NUFIP2: variants seen among roughly 807,000 people sequenced by gnomAD.
NUFIP2 encodes the protein nuclear FMR1 interacting protein 2.
A neutral mutation model predicts 56.9 loss-of-function variants in NUFIP2; 6 were observed. The observed-to-expected ratio is 0.11, with a 90% CI of 0.06 to 0.21. The LOEUF is 0.21. Ranked by LOEUF, NUFIP2 falls within the 10% of genes least tolerant of loss-of-function variation. The pLI, the probability that NUFIP2 is intolerant of heterozygous loss-of-function variation, is 1.00. For synonymous variants in NUFIP2, 321 were observed against 298.2 expected, an observed-to-expected ratio of 1.08 and a Z score of -0.79; for missense variants, 828 against 826.8, an observed-to-expected ratio of 1.00 and a Z score of -0.02.
Position 29,287,562 on chromosome 17 carries a change from A to G in NUFIP2, c.432T>C (p.Phe144=), listed in dbSNP as rs1325155186. ...TCTTGGTTTTAATTCCTGCTTTCCC[A>G]AAGGTGTTGGCCTTTACAGTCTGCT... is the stretch of plus-strand genomic sequence containing the variant. ...SLKQTVKANT[F]GKAGIKTKNF... Residue 144 remains phenylalanine (F), a synonymous_variant, in exon 2 of 4, where the codon TTT becomes TTC. Coordinates refer to ENST00000225388, the MANE Select transcript of NUFIP2 (RefSeq NM_020772.3). 1 of 1,613,880 alleles carries G rather than the reference A, an allele frequency of 6.2e-7. No homozygotes were observed. Among genetic ancestry groups the G allele is most frequent in the Admixed American group, 1.7e-5 (1 of 59,972 alleles).
At position 29,260,857 on chromosome 17, in the gene NUFIP2, ACT is replaced by A. The variant is rs2068998310; in HGVS notation, c.*3680_*3681del. 2 of 152,076 alleles carry A rather than the reference ACT, an allele frequency of 1.3e-5. No individual in the cohort carries two copies. Among genetic ancestry groups the A allele is most frequent in the Non-Finnish European group, 2.9e-5 (2 of 67,930 alleles). 9.4% of individuals were successfully genotyped at this position (152,076 alleles called of 1,614,324 possible). A position where few individuals can be genotyped will look rare whatever the true frequency, so the allele number is the denominator to read the frequency against. ...GACAACAAAATTCTAAAATGGAGAA[ACT>A]CTGGCCATTTATTTCAAAGAAAAAA... is the stretch of plus-strand genomic sequence containing the variant. On this transcript the variant is annotated 3_prime_UTR_variant, in exon 4 of 4. Coordinates refer to ENST00000225388, the MANE Select transcript of NUFIP2 (RefSeq NM_020772.3).
intron 1 of NUFIP2, among the ~76,000 whole-genome samples, chr17:29,292,411 T>C (rs1237236326): frequency 6.6e-6 from 1 of 151,588 alleles, no homozygotes; most frequent in Non-Finnish European, 1.5e-5. Context: ...TTTTGGATTT[T>C]TTTTTTTTTT....
At chr17:29,292,854 ACCGGGTTACACAACCCCGG>A (rs1452132903) in intron 1 of NUFIP2, among the ~76,000 whole-genome samples, 1 of 127,104 alleles carries the variant, frequency 7.9e-6, no homozygotes, top group Non-Finnish European at 1.7e-5. Flanking sequence ...GCGCGCCGCC[ACCGGGTTACACAACCCCGG>A]CCGGCGACGG....
At chr17:29,276,461 T>C (rs916043067) in intron 2 of NUFIP2, among the ~76,000 whole-genome samples, 26 of 152,180 alleles carry the variant, frequency 1.7e-4, no homozygotes, top group Admixed American at 1.5e-3. Flanking sequence ...GTCTCCTGAG[T>C]AGCTGGGACT....
chr17:29,290,416 G>A (rs1169256162), intron 1 of NUFIP2, among the ~76,000 whole-genome samples: 3 of 151,578 alleles, frequency 2.0e-5, no homozygotes, highest in African/African-American at 4.9e-5. Context: ...AGCACTTTAG[G>A]ATCCCAGGCA....
chr17:29,262,796 A>G lies in NUFIP2; in HGVS notation c.*1743T>C, dbSNP rs2069011414. Reference sequence around the variant, plus strand: ...TTACATCAAGTGGAATTGGCAATCCATGCTTATACTTTTAAAATCTAAGCA... The same window carrying G: ...TTACATCAAGTGGAATTGGCAATCCGTGCTTATACTTTTAAAATCTAAGCA... On this transcript the variant is annotated 3_prime_UTR_variant, in exon 4 of 4. Coordinates refer to ENST00000225388, the MANE Select transcript of NUFIP2 (RefSeq NM_020772.3). The G allele has an allele frequency of 6.6e-6, 1 of 151,638 alleles. No individual in the cohort carries two copies. The highest frequency in any genetic ancestry group is 1.5e-5 in the Non-Finnish European group (1 of 67,906). The allele number at this position is 151,638 out of a possible 1,614,324, so 9.4% of individuals were successfully genotyped here.
rs1319926072 is a variant in NUFIP2, at chr17:29,263,912, C to T, written c.*627G>A. The T allele has an allele frequency of 1.3e-5, 2 of 152,630 alleles. No homozygotes were observed. Among genetic ancestry groups the T allele is most frequent in the Non-Finnish European group, 2.9e-5 (2 of 68,028 alleles). 9.5% of individuals were successfully genotyped at this position (152,630 alleles called of 1,614,324 possible). A position where few individuals can be genotyped will look rare whatever the true frequency, so the allele number is the denominator to read the frequency against. ...AAATGGAAAGAAATAAAGTATTTCC[C>T]CAACACCCCAGAGGCCGCTTAACTC... On this transcript the variant is annotated 3_prime_UTR_variant, in exon 4 of 4. Coordinates refer to ENST00000225388, the MANE Select transcript of NUFIP2 (RefSeq NM_020772.3).
intron 2 of NUFIP2, among the ~76,000 whole-genome samples, chr17:29,282,299 G>A (rs35286338): frequency 0.097 from 14,657 of 151,250 alleles, 887 homozygotes; most frequent in South Asian, 0.18. Context: ...GCTCACACCC[G>A]TAATCCCAGC....
chr17:29,266,369 AC>A (rs2069036708), intron 3 of NUFIP2, among the ~76,000 whole-genome samples: 2 of 152,056 alleles, frequency 1.3e-5, no homozygotes, highest in African/African-American at 4.8e-5. Context: ...AGGGGAAGCT[AC>A]ATTCTAGTCC....
rs71135888 is a variant in NUFIP2 at position 29,276,029 on chromosome 17, A to AATATATATATATATATATATATAT, written c.2003-8500_2003-8499insATATATATATATATATATATATAT. Among the ~76,000 whole-genome samples, 280 of 138,078 alleles carry AATATATATATATATATATATATAT rather than the reference A, an allele frequency of 2.0e-3. 1 individual carries two copies. Among genetic ancestry groups the AATATATATATATATATATATATAT allele is most frequent in the South Asian group, 0.011 (44 of 3,934 alleles). The allele number at this position is 138,078 out of a possible 152,430, so 90.6% of individuals were successfully genotyped here. On this transcript the variant is annotated intron_variant, in intron 2 of 3. Transcript: ENST00000225388. ...GGTGACAGAGTAAGACTCCGTCTCA[A>AATATATATATATATATATATATAT]ATATATATATATATATATATCTGAA...
chr17:29,264,126 A>G lies in NUFIP2; in HGVS notation c.*413T>C, dbSNP rs1204097368. 6.6e-6 allele frequency: 1 copy of G among 152,650 alleles called. No individual in the cohort carries two copies. Among genetic ancestry groups the G allele is most frequent in the African/African-American group, 2.4e-5 (1 of 41,438 alleles). The allele number at this position is 152,650 out of a possible 1,614,324, so 9.5% of individuals were successfully genotyped here. On this transcript the variant is annotated 3_prime_UTR_variant, in exon 4 of 4. Transcript: ENST00000225388. Reference sequence around the variant, plus strand: ...TCACTTCAGTCACAGAACAAGATACAGAGATCTTTTAAGTGGATTTGCCTT... The same window carrying G: ...TCACTTCAGTCACAGAACAAGATACGGAGATCTTTTAAGTGGATTTGCCTT...
chr17:29,287,323 C>A lies in NUFIP2; in HGVS notation c.671G>T (p.Arg224Met). 6.2e-7 allele frequency: 1 copy of A among 1,614,056 alleles called. No homozygotes were observed. The change falls in exon 2 of 4, where the codon AGG becomes ATG. Residue 224 changes from arginine (R) to methionine (M), a missense_variant. Physicochemically the swap from Arg to Met is moderately conservative, Grantham distance 91. Transcript: ENST00000225388. ...SESGYTTPKK[R>M]KARRNSAKGC... is the part of the protein sequence containing the mutation. ...CTTGGCACTATTGCGCCTAGCTTTCCTTTTTTTAGGAGTTGTATATCCGCT... is the reference window on the plus strand; with the variant it reads ...CTTGGCACTATTGCGCCTAGCTTTCATTTTTTTAGGAGTTGTATATCCGCT...
rs2153010485 is a variant in NUFIP2, at chr17:29,263,031, T to C, written c.*1508A>G. The C allele has an allele frequency of 6.5e-6, 1 of 152,748 alleles. No individual in the cohort carries two copies. The highest frequency in any genetic ancestry group is 2.1e-4 in the South Asian group (1 of 4,832). 9.5% of individuals were successfully genotyped at this position (152,748 alleles called of 1,614,324 possible). A position where few individuals can be genotyped will look rare whatever the true frequency, so the allele number is the denominator to read the frequency against. On this transcript the variant is annotated 3_prime_UTR_variant, in exon 4 of 4. Transcript: ENST00000225388. ...TACCCCAGGGGATCCAGTCTACTTT[T>C]ATCAGAAGACTACAACTCTTTATAT...
Position 29,293,892 on chromosome 17 carries a change from T to C in NUFIP2, c.168A>G (p.Gln56=), listed in dbSNP as rs781542760. Residue 56 remains glutamine, a synonymous_variant, in exon 1 of 4, where the codon CAA becomes CAG. Transcript: ENST00000225388. ...TGCCCTCGGCTCCATGCTGCAGGTA[T>C]TGGTGAGGCTGCTGGTGATGATGGT... ...HHHHHHQQPH[Q]YLQHGAEGSP... 1.2e-6 allele frequency: 2 copies of C among 1,613,914 alleles called. No homozygotes were observed. The highest frequency in any genetic ancestry group is 2.2e-5 in the South Asian group (2 of 91,080).
intron 2 of NUFIP2, among the ~76,000 whole-genome samples, chr17:29,272,853 C>A (rs961970576): frequency 7.2e-6 from 1 of 139,480 alleles, no homozygotes; most frequent in Non-Finnish European, 1.6e-5. Context: ...TTTTTTTTTT[C>A]TTTTCTTTTC....
intron 2 of NUFIP2, among the ~76,000 whole-genome samples, chr17:29,275,783 T>C (rs542734513): frequency 2.6e-5 from 4 of 152,180 alleles, no homozygotes; most frequent in Non-Finnish European, 5.9e-5. Flanking sequence ...ATCCCAGCAC[T>C]TTGGGAGGCC....
chr17:29,289,343 A>C (rs772389579), intron 1 of NUFIP2, among the ~76,000 whole-genome samples: 5 of 152,224 alleles, frequency 3.3e-5, no homozygotes, highest in Admixed American at 2.0e-4. Flanking sequence ...CTATAATCCC[A>C]GCACTTTGGG....
Position 29,264,070 on chromosome 17 carries a change from G to C in NUFIP2, c.*469C>G, listed in dbSNP as rs1488025042. On this transcript the variant is annotated 3_prime_UTR_variant, in exon 4 of 4. Transcript: ENST00000225388. ...AAGGGAGGAGTGGGGGGAAAATGTT[G>C]AATCATTCTGGGTTCCCCGTGATTA... 1 of 152,532 alleles carries C rather than the reference G, an allele frequency of 6.6e-6. No homozygotes were observed. 9.4% of individuals were successfully genotyped at this position (152,532 alleles called of 1,614,324 possible).
At position 29,293,797 on chromosome 17, in the gene NUFIP2, G is replaced by T. The variant is rs143010073; in HGVS notation, c.263C>A (p.Pro88Gln). ...CCCTCCCAGACCTGTTTTCTTCTTC[G>T]GCGTTTCCTGGTGCTGCTGGAGGGT... ...KHTLQQHQET[P>Q]KKKTGYGELN... Residue 88 changes from proline (P) to glutamine (Q), a missense_variant, in exon 1 of 4, where the codon CCG (proline) becomes CAG (glutamine). This residue lies in a region of NUFIP2 where 415 missense variants were observed against 408.7 expected (regional missense o/e 1.02). Transcript: ENST00000225388. 5.4e-5 allele frequency: 84 copies of T among 1,557,584 alleles called. No homozygotes were observed. The African/African-American group carries it at 1.1e-3, about 20-fold the overall frequency.
Sources: allele counts gnomAD v4.1 joint callset (sites outside exome capture counted in the v4.1 genomes callset), GRCh38; gene constraint gnomAD v4.1.1; regional missense constraint gnomAD v4.1.1; transcripts MANE v1.5; gene names NCBI Gene and HGNC (gene_info 2026-07-23, HGNC 2026-07-21).